NPAS2: variants seen among roughly 807,000 people sequenced by gnomAD.
NPAS2 encodes neuronal PAS domain-containing protein 2.
In NPAS2, 23 loss-of-function variants were observed where a neutral mutation model predicts 107.5. That is an observed-to-expected ratio of 0.21 (90% confidence interval 0.15 to 0.30). The LOEUF (loss-of-function observed/expected upper bound fraction) is 0.30, where lower values mean the gene tolerates loss of function less well. Among genes scored for constraint, NPAS2 ranks in the 10% least tolerant of loss-of-function variants. The pLI, the probability that NPAS2 is intolerant of heterozygous loss-of-function variation, is 1.00. For missense variants in NPAS2, 756 were observed against 1,043.3 expected (o/e 0.72, Z 3.79); for synonymous variants, 403 against 417.5 (o/e 0.97, Z 0.42).
At chr2:100,828,193 G>C (rs1271966045) in intron 1 of NPAS2, among the ~76,000 whole-genome samples, 1 of 151,720 alleles carries the variant, frequency 6.6e-6, no homozygotes, top group Non-Finnish European at 1.5e-5. Context: ...TTTCATGTTT[G>C]TATGTCTTCT....
chr2:100,881,592 A>G (rs748469934), intron 1 of NPAS2, among the ~76,000 whole-genome samples: 1 of 152,162 alleles, frequency 6.6e-6, no homozygotes, highest in Non-Finnish European at 1.5e-5. Context: ...AGGCTGAGGC[A>G]GGAGAATCAC....
rs769801120 is a variant in NPAS2, at chr2:100,965,766, C to T, written c.907C>T (p.Leu303=). Residue 303 remains leucine, a splice_region_variant and synonymous_variant, in exon 10 of 21, where the codon CTG becomes TTG. Transcript: ENST00000335681. The surrounding 1 kb of genome is among the most constrained non-coding windows in gnomAD (Gnocchi z 4.3). ...LELLARCHQH[L]MQFGKGKSCC... is the part of the protein sequence containing the mutation. Reference sequence around the variant, plus strand: ...GCTCCTGGCCAGGTGTCACCAGCACCGTGAGTACCACTGCCCAGCCCAGGC... The same window carrying T: ...GCTCCTGGCCAGGTGTCACCAGCACTGTGAGTACCACTGCCCAGCCCAGGC... The T allele has an allele frequency of 1.9e-5, 30 of 1,605,168 alleles. No individual in the cohort carries two copies. The highest frequency in any genetic ancestry group is 1.5e-4 in the African/African-American group (11 of 74,700).
chr2:100,965,374 G>A lies in NPAS2; in HGVS notation c.801-286G>A, dbSNP rs776074243. Among the ~76,000 whole-genome samples, 14 of 152,070 alleles carry A rather than the reference G, an allele frequency of 9.2e-5. No individual in the cohort carries two copies. Among genetic ancestry groups the A allele is most frequent in the Non-Finnish European group, 1.8e-4 (12 of 68,008 alleles). On this transcript the variant is annotated intron_variant, in intron 9 of 20. Coordinates refer to ENST00000335681, the MANE Select transcript of NPAS2 (RefSeq NM_002518.4). This position sits in a 1 kb window ranked among gnomAD's most constrained non-coding sequence, Gnocchi z 4.3. ...TAATTTATATTACACTTTGGTGTTG[G>A]GCTGATCCAATTTGTAGCTGTTTTT...
At chr2:100,904,626 C>A in intron 1 of NPAS2, 107 bp from the exon 2 acceptor site, 1 of 792,704 alleles carries the variant, frequency 1.3e-6, no homozygotes, top group Non-Finnish European at 2.0e-6. Flanking sequence ...AGTTTGAGAA[C>A]CACTGGGCTA....
At chr2:100,869,064 G>A (rs1032891788) in intron 1 of NPAS2, among the ~76,000 whole-genome samples, 2 of 151,752 alleles carry the variant, frequency 1.3e-5, no homozygotes, top group Non-Finnish European at 2.9e-5. Flanking sequence ...GAGTAGCTAG[G>A]ATTATAGGCA....
chr2:100,829,158 C>T (rs1414949570), intron 1 of NPAS2, among the ~76,000 whole-genome samples: 1 of 150,050 alleles, frequency 6.7e-6, no homozygotes. Flanking sequence ...TTAATGGCTG[C>T]TGCAAATGGA....
chr2:100,845,545 C>A (rs1478270709), intron 1 of NPAS2, among the ~76,000 whole-genome samples: 1 of 152,226 alleles, frequency 6.6e-6, no homozygotes, highest in Non-Finnish European at 1.5e-5. Flanking sequence ...TGACTACATG[C>A]ACTCAGGCAC....
At chr2:100,995,260 C>T in intron 20 of NPAS2, 140 bp from the exon 21 acceptor site, 1 of 670,246 alleles carries the variant, frequency 1.5e-6, no homozygotes, top group East Asian at 2.7e-5. Context: ...TTGCCAGAGC[C>T]ACCTCTCCCC....
chr2:100,898,534 G>A (rs1681566446), intron 1 of NPAS2, among the ~76,000 whole-genome samples: 1 of 152,170 alleles, frequency 6.6e-6, no homozygotes, highest in Non-Finnish European at 1.5e-5. Context: ...CATAACAATA[G>A]ACAAAGGGTG....
chr2:100,988,359 G>A, intron 17 of NPAS2, 83 bp downstream of exon 17: 2 of 1,239,186 alleles, frequency 1.6e-6, no homozygotes, highest in Non-Finnish European at 2.3e-6. Flanking sequence ...GATTCCTGCA[G>A]CCTACGTGAA....
At chr2:100,841,360 G>C (rs558932160) in intron 1 of NPAS2, among the ~76,000 whole-genome samples, 16 of 152,304 alleles carry the variant, frequency 1.1e-4, no homozygotes, top group African/African-American at 3.8e-4. Context: ...ATTGCTTGAT[G>C]AACCCGGGGG....
At chr2:100,913,393 C>T (rs1297002402) in intron 2 of NPAS2, among the ~76,000 whole-genome samples, 1 of 152,194 alleles carries the variant, frequency 6.6e-6, no homozygotes, top group Non-Finnish European at 1.5e-5. Context: ...CTTCTATATT[C>T]CCCCATCAGG....
intron 4 of NPAS2, 58 bp downstream of exon 4, chr2:100,933,059 T>C (rs1684066658): frequency 1.6e-6 from 2 of 1,278,048 alleles, no homozygotes; most frequent in Admixed American, 3.4e-5. Context: ...AGCTACTTGT[T>C]GCAGATAAGT....
intron 12 of NPAS2, among the ~76,000 whole-genome samples, chr2:100,973,505 C>T (rs982408093): frequency 2.6e-5 from 4 of 152,212 alleles, no homozygotes; most frequent in Admixed American, 1.3e-4. Context: ...AACCAAGCAG[C>T]AAGGTCCCCA....
At position 100,925,106 on chromosome 2, in the gene NPAS2, C is replaced by T. The variant is rs199718837; in HGVS notation, c.33-40C>T. 3,151 of 1,575,166 alleles carry T rather than the reference C, an allele frequency of 2.0e-3. 7 individuals are homozygous for T. The highest frequency in any genetic ancestry group is 2.6e-3 in the East Asian group (116 of 44,250). On this transcript the variant is annotated intron_variant, in intron 2 of 20. Coordinates refer to ENST00000335681, the MANE Select transcript of NPAS2 (RefSeq NM_002518.4). ...TTGTTTCATCACAAAGCCTTTGTGA[C>T]GTGGAATGTTCCAGTAACCTGCTCG...
At chr2:100,863,717 G>GT (rs1173841933) in intron 1 of NPAS2, among the ~76,000 whole-genome samples, 1 of 152,096 alleles carries the variant, frequency 6.6e-6, no homozygotes, top group Non-Finnish European at 1.5e-5. Flanking sequence ...GTGAAGACAT[G>GT]TTTTTTTGTG....
At chr2:100,929,039 G>A (rs1345894069) in intron 3 of NPAS2, among the ~76,000 whole-genome samples, 3 of 152,266 alleles carry the variant, frequency 2.0e-5, no homozygotes, top group Admixed American at 6.5e-5. Flanking sequence ...AAGTAGCTGG[G>A]ATTGCAGACA....
chr2:100,986,751 T>G (rs1677803409), intron 16 of NPAS2: 1 of 152,248 alleles, frequency 6.6e-6, no homozygotes, highest in African/African-American at 2.4e-5. Context: ...AGAGCAATGC[T>G]CTAACTAGAT....
intron 1 of NPAS2, among the ~76,000 whole-genome samples, chr2:100,853,822 T>C (rs115928065): frequency 2.2e-4 from 33 of 151,966 alleles, no homozygotes; most frequent in Non-Finnish European, 4.1e-4. Context: ...AGGGCGCAGA[T>C]CTGAAAACCA....
Sources: allele counts gnomAD v4.1 joint callset (sites outside exome capture counted in the v4.1 genomes callset), GRCh38; gene constraint gnomAD v4.1.1; non-coding constraint Gnocchi (gnomAD v3.1); transcripts MANE v1.5; gene names NCBI Gene and HGNC (gene_info 2026-07-23, HGNC 2026-07-21).